Variants in ST8SIA1 observed in about 807,000 individuals in gnomAD.
The protein encoded by ST8SIA1 is ST8 alpha-N-acetyl-neuraminide alpha-2,8-sialyltransferase 1, also known as alpha-N-acetylneuraminide alpha-2,8-sialyltransferase.
A neutral mutation model predicts 35.9 loss-of-function variants in ST8SIA1; 16 were observed. The ratio of observed to expected loss-of-function variants is 0.45; its 90% confidence interval spans 0.30 to 0.68. The LOEUF (loss-of-function observed/expected upper bound fraction) is 0.68. ST8SIA1 is among the 30% of genes least tolerant of loss of function. The pLI, the probability that ST8SIA1 is intolerant of heterozygous loss-of-function variation, is 0.09. For missense variants in ST8SIA1, 383 were observed against 453.6 expected (o/e 0.84, Z 1.41); for synonymous variants, 170 against 169.6 (o/e 1.00, Z -0.02).
In ST8SIA1 at chr12:22,200,533, C is replaced by G. The variant is rs548911389; in HGVS notation, c.*1019G>C. ...AATAGCTCAAAAGAGGAAACATATT[C>G]AAAGTTTCGCTCAATTCATTCTTGC... On this transcript the variant is annotated 3_prime_UTR_variant, in exon 5 of 5. Transcript: ENST00000396037. The G allele has an allele frequency of 9.9e-5, 15 of 152,196 alleles. No individual in the cohort carries two copies. The highest frequency in any genetic ancestry group is 3.4e-4 in the African/African-American group (14 of 41,534). The allele number at this position is 152,196 out of a possible 1,614,324, so 9.4% of individuals were successfully genotyped here. A position where few individuals can be genotyped will look rare whatever the true frequency, so the allele number is the denominator to read the frequency against.
chr12:22,307,249 TTCA>T, intron 1 of ST8SIA1, among the ~76,000 whole-genome samples: 1 of 152,170 alleles, frequency 6.6e-6, no homozygotes, highest in South Asian at 2.1e-4. Context: ...AGCGCTGGGC[TTCA>T]TCAGAGGTTG....
intron 4 of ST8SIA1, among the ~76,000 whole-genome samples, chr12:22,218,007 T>C (rs183843069): frequency 6.6e-6 from 1 of 152,314 alleles, no homozygotes; most frequent in East Asian, 1.9e-4. Flanking sequence ...GTGACTGACA[T>C]TCCAAACTGT....
Position 22,204,488 on chromosome 12 carries a change from T to TTCC in ST8SIA1, c.585-2453_585-2451dup, listed in dbSNP as rs1292607726. Among the ~76,000 whole-genome samples, 4 of 152,268 alleles carry TTCC rather than the reference T, an allele frequency of 2.6e-5. No individual in the cohort carries two copies. The East Asian group carries it at 7.7e-4, about 29-fold the overall frequency. On this transcript the variant is annotated intron_variant, in intron 4 of 4. Coordinates refer to ENST00000396037, the MANE Select transcript of ST8SIA1 (RefSeq NM_003034.4). Reference sequence around the variant, plus strand: ...CTATTGCTTTCCTTGCTTCCTTCCATTCCTCCTTATTCCTGTACAGAATGG... The same window carrying TTCC: ...CTATTGCTTTCCTTGCTTCCTTCCATTCCTCCTCCTTATTCCTGTACAGAATGG...
chr12:22,281,582 G>A (rs1226859586), intron 2 of ST8SIA1, among the ~76,000 whole-genome samples: 4 of 152,108 alleles, frequency 2.6e-5, no homozygotes, highest in Admixed American at 1.3e-4. Context: ...ATACCGGGGA[G>A]CTCAAAGCCA....
intron 1 of ST8SIA1, among the ~76,000 whole-genome samples, chr12:22,289,251 G>A (rs931019518): frequency 2.0e-5 from 3 of 151,962 alleles, no homozygotes; most frequent in African/African-American, 7.3e-5. Flanking sequence ...ATATTTTTTA[G>A]TCCTCAGAGC....
At chr12:22,325,763 A>C in intron 1 of ST8SIA1, 1 of 655,332 alleles carries the variant, frequency 1.5e-6, no homozygotes, top group Non-Finnish European at 2.7e-6. Flanking sequence ...AACAATAATA[A>C]CTAATAATAA....
rs376840076 is a variant in ST8SIA1 at position 22,223,116 on chromosome 12, T to A, written c.585-21078A>T. Among the ~76,000 whole-genome samples, 10 of 152,334 alleles carry A rather than the reference T, an allele frequency of 6.6e-5. No homozygotes were observed. The East Asian group carries it at 1.3e-3, about 21-fold the overall frequency. ...TGATGGGAAATGAGAATTATAAAATTAATTTATGTTCATTTTAGGAAACAG... is the reference window on the plus strand; with the variant it reads ...TGATGGGAAATGAGAATTATAAAATAAATTTATGTTCATTTTAGGAAACAG... On this transcript the variant is annotated intron_variant, in intron 4 of 4. Transcript: ENST00000396037.
intron 3 of ST8SIA1, among the ~76,000 whole-genome samples, chr12:22,253,787 G>C (rs1865698902): frequency 6.6e-6 from 1 of 152,144 alleles, no homozygotes; most frequent in South Asian, 2.1e-4. Flanking sequence ...GTACCTGCAT[G>C]AAGGAAAGGT....
chr12:22,224,152 A>C (rs891597582), intron 4 of ST8SIA1, among the ~76,000 whole-genome samples: 1 of 152,108 alleles, frequency 6.6e-6, no homozygotes, highest in African/African-American at 2.4e-5. Flanking sequence ...TCCAGCTCTA[A>C]TGTGAGTATA....
chr12:22,311,785 G>T (rs1444364986), intron 1 of ST8SIA1, among the ~76,000 whole-genome samples: 1 of 152,122 alleles, frequency 6.6e-6, no homozygotes, highest in Non-Finnish European at 1.5e-5. Flanking sequence ...CGATCAATCA[G>T]CAGAGTACAC....
intron 4 of ST8SIA1, among the ~76,000 whole-genome samples, chr12:22,245,019 G>T (rs2120738043): frequency 6.6e-6 from 1 of 152,228 alleles, no homozygotes; most frequent in Non-Finnish European, 1.5e-5. Context: ...TTGCACCAGA[G>T]CCACATTGTC....
chr12:22,277,251 T>C (rs1865980135), intron 2 of ST8SIA1, among the ~76,000 whole-genome samples: 1 of 152,116 alleles, frequency 6.6e-6, no homozygotes, highest in Non-Finnish European at 1.5e-5. Flanking sequence ...CTCATCTGCA[T>C]GGCAAGTAGT....
chr12:22,317,189 C>G (rs951504385), intron 1 of ST8SIA1, among the ~76,000 whole-genome samples: 1 of 152,086 alleles, frequency 6.6e-6, no homozygotes, highest in African/African-American at 2.4e-5. Context: ...AAAAATAAAA[C>G]AGTATTGCTT....
chr12:22,273,764 C>A (rs905639726), intron 2 of ST8SIA1, among the ~76,000 whole-genome samples: 1 of 152,146 alleles, frequency 6.6e-6, no homozygotes, highest in Non-Finnish European at 1.5e-5. Context: ...TTCATTCATT[C>A]ATCATTCCAC....
intron 2 of ST8SIA1, among the ~76,000 whole-genome samples, chr12:22,282,113 A>C (rs1866044551): frequency 6.6e-6 from 1 of 152,222 alleles, no homozygotes; most frequent in African/African-American, 2.4e-5. Context: ...AAGGTGACTG[A>C]GTGATAAGAA....
chr12:22,217,322 A>T (rs1277253057), intron 4 of ST8SIA1, among the ~76,000 whole-genome samples: 4 of 152,218 alleles, frequency 2.6e-5, no homozygotes, highest in Non-Finnish European at 5.9e-5. Context: ...TTTGAGACAT[A>T]ATATTAAGTG....
intron 1 of ST8SIA1, among the ~76,000 whole-genome samples, chr12:22,296,135 G>A (rs1478897437): frequency 6.6e-6 from 1 of 152,176 alleles, no homozygotes; most frequent in Non-Finnish European, 1.5e-5. Context: ...AGAGGAGCAT[G>A]CCTGGTATGC....
intron 2 of ST8SIA1, among the ~76,000 whole-genome samples, chr12:22,265,443 A>G (rs1273906310): frequency 6.6e-6 from 1 of 152,186 alleles, no homozygotes; most frequent in East Asian, 1.9e-4. Context: ...GATGAGCATC[A>G]CCTTGTAGCC....
intron 4 of ST8SIA1, among the ~76,000 whole-genome samples, chr12:22,205,797 T>C (rs114807790): frequency 2.6e-5 from 4 of 152,006 alleles, no homozygotes; most frequent in Non-Finnish European, 5.9e-5. Context: ...CATGAACTTA[T>C]CAGACATTTG....
Sources: allele counts gnomAD v4.1 joint callset (sites outside exome capture counted in the v4.1 genomes callset), GRCh38; gene constraint gnomAD v4.1.1; transcripts MANE v1.5; gene names NCBI Gene and HGNC (gene_info 2026-07-23, HGNC 2026-07-21).